Variants in RAD54L2 observed in about 807,000 individuals in gnomAD.
RAD54L2 encodes helicase ARIP4.
A neutral mutation model predicts 138.4 loss-of-function variants in RAD54L2; 27 were observed. The observed-to-expected ratio is 0.20, with a 90% CI of 0.14 to 0.27. The LOEUF is 0.27. Ranked by LOEUF, RAD54L2 falls within the 10% of genes least tolerant of loss-of-function variation. The pLI is 1.00. For synonymous variants in RAD54L2, 644 were observed against 723.2 expected, an observed-to-expected ratio of 0.89 and a Z score of 1.76; for missense variants, 1,396 against 1,890.2, an observed-to-expected ratio of 0.74 and a Z score of 4.85.
chr3:51,614,519 CTTTT>C (rs146602107), intron 3 of RAD54L2, among the ~76,000 whole-genome samples: 1 of 144,612 alleles, frequency 6.9e-6, no homozygotes, highest in Admixed American at 6.9e-5. Flanking sequence ...TCTCAGATCT[CTTTT>C]TTTTTTTTGA....
At chr3:51,581,716 C>T (rs952498861) in intron 2 of RAD54L2, among the ~76,000 whole-genome samples, 1 of 152,074 alleles carries the variant, frequency 6.6e-6, no homozygotes, top group Non-Finnish European at 1.5e-5. Flanking sequence ...AGAATGGAGG[C>T]AGTGGTGATT....
At chr3:51,586,730 G>A (rs369524096) in intron 2 of RAD54L2, among the ~76,000 whole-genome samples, 1 of 151,860 alleles carries the variant, frequency 6.6e-6, no homozygotes, top group African/African-American at 2.4e-5. Context: ...TACTATGCCT[G>A]GCTAATTTTG....
At chr3:51,554,829 C>T (rs1488233995) in intron 2 of RAD54L2, among the ~76,000 whole-genome samples, 1 of 152,072 alleles carries the variant, frequency 6.6e-6, no homozygotes, top group Non-Finnish European at 1.5e-5. Flanking sequence ...AACTCAGACC[C>T]TCATTTCTTT....
intron 15 of RAD54L2, 81 bp downstream of exon 15, chr3:51,641,948 C>G (rs754886705): frequency 1.7e-5 from 17 of 977,064 alleles, no homozygotes; most frequent in Non-Finnish European, 2.6e-5. Context: ...CTTTCTCTTT[C>G]TCCACTCCAT....
intron 2 of RAD54L2, among the ~76,000 whole-genome samples, chr3:51,547,727 A>G (rs1446139981): frequency 6.6e-6 from 1 of 151,798 alleles, no homozygotes; most frequent in Middle Eastern, 3.4e-3. Flanking sequence ...GACTAATGGC[A>G]TGTGCCACTG....
intron 19 of RAD54L2, among the ~76,000 whole-genome samples, chr3:51,653,049 C>T (rs1701485183): frequency 6.6e-6 from 1 of 152,146 alleles, no homozygotes; most frequent in Non-Finnish European, 1.5e-5. Flanking sequence ...GGGCTAATAT[C>T]CAGAATCCAC....
At chr3:51,601,806 T>A (rs1700087911) in intron 3 of RAD54L2, among the ~76,000 whole-genome samples, 1 of 151,986 alleles carries the variant, frequency 6.6e-6, no homozygotes, top group Admixed American at 6.6e-5. Context: ...GTATTCCACT[T>A]TATGGATATG....
In RAD54L2 at chr3:51,662,032, C is replaced by T. The variant is rs561535303; in HGVS notation, c.3410-394C>T. Among the ~76,000 whole-genome samples, 1 of 152,148 alleles carries T rather than the reference C, an allele frequency of 6.6e-6. No individual in the cohort carries two copies. The highest frequency in any genetic ancestry group is 1.9e-4 in the East Asian group (1 of 5,192). ...ATAGCTATGGATTTTGTTTTGTTTT[C>T]AAATCAGAATGAACTGCTTTTTAGC... On this transcript the variant is annotated intron_variant, in intron 22 of 22. Transcript: ENST00000684192. This position sits in a 1 kb window ranked among gnomAD's most constrained non-coding sequence, Gnocchi z 4.6.
intron 3 of RAD54L2, among the ~76,000 whole-genome samples, chr3:51,598,177 G>GTGTGTA (rs374594036): frequency 1.0e-4 from 14 of 135,270 alleles, no homozygotes; most frequent in South Asian, 4.8e-4. Flanking sequence ...GTGTGTGTGT[G>GTGTGTA]TATATATATA....
chr3:51,590,320 C>T, intron 2 of RAD54L2, 47 bp from the exon 3 acceptor site: 1 of 1,358,278 alleles, frequency 7.4e-7, no homozygotes, highest in South Asian at 1.6e-5. Context: ...GACTTGTGTT[C>T]CTAAGCAAAA....
chr3:51,614,090 T>C (rs1300910128), intron 3 of RAD54L2, among the ~76,000 whole-genome samples: 1 of 152,052 alleles, frequency 6.6e-6, no homozygotes, highest in Non-Finnish European at 1.5e-5. Flanking sequence ...TTAAAAATGG[T>C]TTGTAGTTGT....
At chr3:51,577,465 ATTG>A (rs1699504905) in intron 2 of RAD54L2, among the ~76,000 whole-genome samples, 1 of 152,012 alleles carries the variant, frequency 6.6e-6, no homozygotes, top group Admixed American at 6.6e-5. Flanking sequence ...TCCCATTATT[ATTG>A]TTTGGGAGTC....
In RAD54L2 at chr3:51,645,246, A is replaced by G. The variant is rs1351856768; in HGVS notation, c.2656+17A>G. 3.8e-6 allele frequency: 6 copies of G among 1,592,126 alleles called. No individual in the cohort carries two copies. Among genetic ancestry groups the G allele is most frequent in the Non-Finnish European group, 5.2e-6 (6 of 1,164,790 alleles). On this transcript the variant is annotated intron_variant, in intron 17 of 22. Transcript: ENST00000684192. The surrounding 1 kb of genome is among the most constrained non-coding windows in gnomAD (Gnocchi z 6.1). ...GCATGTCAGGTGGGCCATCTTCCAG[A>G]CTTCGGAGAGGCACATCTATACAGG...
chr3:51,569,262 A>G (rs1434187625), intron 2 of RAD54L2, among the ~76,000 whole-genome samples: 2 of 152,262 alleles, frequency 1.3e-5, no homozygotes, highest in Non-Finnish European at 2.9e-5. Context: ...CTCAGGCAGC[A>G]TAACCACATT....
At chr3:51,539,504 C>G (rs1698499277) in intron 1 of RAD54L2, among the ~76,000 whole-genome samples, 1 of 152,124 alleles carries the variant, frequency 6.6e-6, no homozygotes, top group African/African-American at 2.4e-5. Flanking sequence ...CTCCGGGGCC[C>G]TGATGCACCC....
At chr3:51,571,607 A>ATCCG (rs1699339088) in intron 2 of RAD54L2, among the ~76,000 whole-genome samples, 1 of 151,896 alleles carries the variant, frequency 6.6e-6, no homozygotes, top group South Asian at 2.1e-4. Flanking sequence ...ACCTCAGGTG[A>ATCCG]CCTGCACACC....
At chr3:51,601,193 T>A (rs187025466) in intron 3 of RAD54L2, among the ~76,000 whole-genome samples, 100 of 152,222 alleles carry the variant, frequency 6.6e-4, no homozygotes, top group African/African-American at 2.0e-3. Context: ...TTTTTATCTT[T>A]AGTAGAAAGG....
chr3:51,603,166 A>G (rs1273181179), intron 3 of RAD54L2, among the ~76,000 whole-genome samples: 1 of 144,926 alleles, frequency 6.9e-6, no homozygotes, highest in Non-Finnish European at 1.5e-5. Context: ...AAAAAAAGCC[A>G]GGCATGGTGT....
At position 51,638,442 on chromosome 3, in the gene RAD54L2, T is replaced by C; in HGVS notation, c.1860+121T>C. On this transcript the variant is annotated intron_variant, in intron 12 of 22. Transcript: ENST00000684192. This position sits in a 1 kb window ranked among gnomAD's most constrained non-coding sequence, Gnocchi z 4.3. ...ATAAAGTGAGAGGGGGCCACCTCAG[T>C]TCACTGCACTGGAGGTTTGGGGGCT... is the stretch of plus-strand genomic sequence containing the variant. 1 of 1,185,588 alleles carries C rather than the reference T, an allele frequency of 8.4e-7. No individual in the cohort carries two copies. Among genetic ancestry groups the C allele is most frequent in the Non-Finnish European group, 1.2e-6 (1 of 841,630 alleles). The allele number at this position is 1,185,588 out of a possible 1,614,324, so 73.4% of individuals were successfully genotyped here. A position where few individuals can be genotyped will look rare whatever the true frequency, so the allele number is the denominator to read the frequency against.
Sources: allele counts gnomAD v4.1 joint callset (sites outside exome capture counted in the v4.1 genomes callset), GRCh38; gene constraint gnomAD v4.1.1; non-coding constraint Gnocchi (gnomAD v3.1); transcripts MANE v1.5; gene names NCBI Gene and HGNC (gene_info 2026-07-23, HGNC 2026-07-21).